Variants in LPA observed in about 807,000 individuals in gnomAD.
LPA encodes the protein apolipoprotein(a).
In LPA, 199 loss-of-function variants were observed where a neutral mutation model predicts 197.9. That is an observed-to-expected ratio of 1.01 (90% confidence interval 0.90 to 1.13). The LOEUF is 1.13. Among genes scored for constraint, LPA ranks in the 50% most tolerant of loss-of-function variants. LPA has a pLI of 0.00. For synonymous variants in LPA, 715 were observed against 639.5 expected, an observed-to-expected ratio of 1.12 and a Z score of -1.78; for missense variants, 1,853 against 1,785.8, an observed-to-expected ratio of 1.04 and a Z score of -0.68.
chr6:160,559,181 G>T (rs1414272575), intron 28 of LPA, among the ~76,000 whole-genome samples: 1 of 152,256 alleles, frequency 6.6e-6, no homozygotes, highest in African/African-American at 2.4e-5. Flanking sequence ...CAATTAATCT[G>T]TGCTACCCCC....
intron 28 of LPA, among the ~76,000 whole-genome samples, chr6:160,569,731 C>T (rs1271591054): frequency 6.6e-6 from 1 of 152,110 alleles, no homozygotes; most frequent in Non-Finnish European, 1.5e-5. Context: ...ACAATCTACC[C>T]ATCTGACAAA....
intron 1 of LPA, among the ~76,000 whole-genome samples, chr6:160,651,995 A>T (rs763081855): frequency 6.8e-6 from 1 of 146,554 alleles, no homozygotes; most frequent in African/African-American, 2.5e-5. Flanking sequence ...ACCAACACAG[A>T]TACAAAAAAA....
chr6:160,576,416 G>GT (rs1778678338), intron 28 of LPA, among the ~76,000 whole-genome samples: 1 of 29,634 alleles, frequency 3.4e-5, no homozygotes, highest in African/African-American at 2.0e-4. Flanking sequence ...ATATATATAT[G>GT]GGTATATATA....
intron 20 of LPA, among the ~76,000 whole-genome samples, chr6:160,599,247 G>T (rs1211744962): frequency 6.6e-6 from 1 of 152,198 alleles, no homozygotes; most frequent in Non-Finnish European, 1.5e-5. Context: ...AGAGGCTGAA[G>T]CAGGAGAATG....
chr6:160,560,460 C>T (rs1020354044), intron 28 of LPA, among the ~76,000 whole-genome samples: 1 of 152,302 alleles, frequency 6.6e-6, no homozygotes, highest in Non-Finnish European at 1.5e-5. Context: ...TCTGTTGTTT[C>T]CTGACTTTTT....
intron 28 of LPA, among the ~76,000 whole-genome samples, chr6:160,561,706 G>A (rs1474071593): frequency 6.6e-6 from 1 of 152,186 alleles, no homozygotes; most frequent in African/African-American, 2.4e-5. Flanking sequence ...CCATTAGCAT[G>A]GAATGTTTTT....
chr6:160,654,594 A>G (rs899725303), intron 1 of LPA, among the ~76,000 whole-genome samples: 2 of 152,168 alleles, frequency 1.3e-5, no homozygotes, highest in African/African-American at 4.8e-5. Flanking sequence ...TAAGGTCATA[A>G]TTATGCCTAA....
Position 160,589,661 on chromosome 6 carries a change from T to C in LPA, c.3839A>G (p.Gln1280Arg). The stretch of plus-strand genomic sequence containing the variant: ...GGTGGAGAATGAGCCTCGATAACTC[T>C]GTCCATCACCATGGTAGCAGTCCTG... ...TVQDCYHGDG[Q>R]SYRGSFSTTV... is the part of the protein sequence containing the mutation. The change falls in exon 24 of 39, where the codon CAG becomes CGG. Residue 1280 changes from glutamine (Q) to arginine (R), a missense_variant. Coordinates refer to ENST00000316300, the MANE Select transcript of LPA (RefSeq NM_005577.4). 1 of 1,613,974 alleles carries C rather than the reference T, an allele frequency of 6.2e-7. No homozygotes were observed. The highest frequency in any genetic ancestry group is 8.5e-7 in the Non-Finnish European group (1 of 1,179,876).
At chr6:160,608,884 A>G (rs1258371016) in intron 16 of LPA, among the ~76,000 whole-genome samples, 3 of 150,450 alleles carry the variant, frequency 2.0e-5, no homozygotes, top group Non-Finnish European at 3.0e-5. Context: ...GGTGTGTTGT[A>G]TGTGTATATA....
intron 28 of LPA, among the ~76,000 whole-genome samples, chr6:160,562,800 G>C (rs1419451428): frequency 6.6e-6 from 1 of 152,132 alleles, no homozygotes; most frequent in South Asian, 2.1e-4. Context: ...TCTTGGGAGG[G>C]TGTATGTGTC....
In LPA at chr6:160,585,113, T is replaced by C. The variant is rs1457671951; in HGVS notation, c.4222A>G (p.Thr1408Ala). Residue 1408 changes from threonine to alanine, a missense_variant, in exon 26 of 39, where the codon ACA becomes GCA. Transcript: ENST00000316300. ...GTLSTTITGRTCQSWSSMTPH... is the reference protein window; with the variant it reads ...GTLSTTITGRACQSWSSMTPH... ...GTCATAGACGACCAAGACTGACATG[T>C]TCTTCCTGTGATAGTGGTGGAGAGT... 3 of 1,613,784 alleles carry C rather than the reference T, an allele frequency of 1.9e-6. No individual in the cohort carries two copies. Among genetic ancestry groups the C allele is most frequent in the African/African-American group, 2.7e-5 (2 of 74,908 alleles).
At chr6:160,647,225 G>T (rs924826676) in intron 2 of LPA, among the ~76,000 whole-genome samples, 1 of 152,178 alleles carries the variant, frequency 6.6e-6, no homozygotes, top group Admixed American at 6.5e-5. Flanking sequence ...GGAAGACTAA[G>T]AGATCTGAAG....
chr6:160,573,765 GT>G (rs771194421), intron 28 of LPA, among the ~76,000 whole-genome samples: 1 of 152,200 alleles, frequency 6.6e-6, no homozygotes, highest in Non-Finnish European at 1.5e-5. Flanking sequence ...ACAGAGTCCT[GT>G]GATGTGAACC....
chr6:160,594,841 C>T (rs551520192), intron 21 of LPA, among the ~76,000 whole-genome samples: 3 of 152,126 alleles, frequency 2.0e-5, no homozygotes, highest in African/African-American at 4.8e-5. Context: ...TAGGCCAGAA[C>T]GATGGAGCAT....
intron 16 of LPA, 64 bp from the exon 17 acceptor site, chr6:160,606,722 C>G (rs1226358185): frequency 6.4e-5 from 101 of 1,582,922 alleles, no homozygotes; most frequent in Non-Finnish European, 8.3e-5. Context: ...ACCCCACACC[C>G]TCTCCTTTGT....
At chr6:160,603,064 ATTC>A (rs780414066) in intron 18 of LPA, among the ~76,000 whole-genome samples, 6 of 134,380 alleles carry the variant, frequency 4.5e-5, no homozygotes, top group Non-Finnish European at 9.4e-5. Flanking sequence ...GGTTTTTAAT[ATTC>A]TTCTTATTTG....
At chr6:160,576,374 A>ATGTTG (rs1222877121) in intron 28 of LPA, among the ~76,000 whole-genome samples, 1 of 32,386 alleles carries the variant, frequency 3.1e-5, no homozygotes. Flanking sequence ...ATACATATAT[A>ATGTTG]TATATATATA....
rs1435768695 is a variant in LPA at position 160,635,045 on chromosome 6, C to T, written c.1075+78G>A. On this transcript the variant is annotated intron_variant, in intron 7 of 38. Coordinates refer to ENST00000316300, the MANE Select transcript of LPA (RefSeq NM_005577.4). ...TCGAGCATCCGTTTACCATTGAAGG[C>T]GGCTGCATCAGTGGGAATTTCCATG... 42 of 1,499,790 alleles carry T rather than the reference C, an allele frequency of 2.8e-5. No individual in the cohort carries two copies. The African/African-American group carries it at 3.1e-4, about 11-fold the overall frequency. 92.9% of individuals were successfully genotyped at this position (1,499,790 alleles called of 1,614,324 possible). A position where few individuals can be genotyped will look rare whatever the true frequency, so the allele number is the denominator to read the frequency against.
At chr6:160,596,350 T>C (rs1779131940) in intron 20 of LPA, among the ~76,000 whole-genome samples, 1 of 152,158 alleles carries the variant, frequency 6.6e-6, no homozygotes, top group African/African-American at 2.4e-5. Context: ...ATGTCACTGG[T>C]TTGGACTACT....
Sources: gnomAD v4.1 joint callset for allele counts (sites outside exome capture counted in the v4.1 genomes callset) on GRCh38, gnomAD v4.1.1 for gene constraint, MANE v1.5 for transcripts, NCBI Gene and HGNC (gene_info 2026-07-23, HGNC 2026-07-21) for gene names.